The following HORMAD2 variants were observed in gnomAD, a reference collection of about 807,000 sequenced individuals.
HORMAD2 encodes HORMA domain containing 2.
In HORMAD2, 45 loss-of-function variants were observed where a neutral mutation model predicts 38.8. That is an observed-to-expected ratio of 1.16 (90% confidence interval 0.91 to 1.49). The LOEUF is 1.49. HORMAD2 is among the 40% of genes most tolerant of loss of function. HORMAD2 has a pLI of 0.00. For missense variants in HORMAD2, 338 were observed against 367.0 expected (o/e 0.92, Z 0.65); for synonymous variants, 126 against 122.8 (o/e 1.03, Z -0.17).
intron 4 of HORMAD2, 141 bp from the exon 5 acceptor site, chr22:30,104,259 TA>T: frequency 2.9e-6 from 2 of 697,964 alleles, no homozygotes; most frequent in Non-Finnish European, 2.5e-6. Flanking sequence ...GCTGGAAGTT[TA>T]AAAAAATGAT....
rs756245115 is a variant in HORMAD2, at chr22:30,118,988, T to A, written c.351T>A (p.Thr117=). The A allele has an allele frequency of 1.0e-5, 16 of 1,583,332 alleles. No individual in the cohort carries two copies. Among genetic ancestry groups the A allele is most frequent in the Non-Finnish European group, 1.4e-5 (16 of 1,163,386 alleles). The change falls in exon 8 of 11, where the codon ACT becomes ACA. Residue 117 remains threonine (T), a synonymous_variant. Coordinates refer to ENST00000336726, the MANE Select transcript of HORMAD2 (RefSeq NM_152510.4). ...TCCTTTGGTTTTTGTAGAAGGTGAC[T>A]GAGATGTACCAGTTCAAATTCAAAT... is the stretch of plus-strand genomic sequence containing the variant. ...YTDPMGSEKV[T]EMYQFKFKYT...
chr22:30,114,627 C>A (rs959353638), intron 7 of HORMAD2, among the ~76,000 whole-genome samples: 1 of 152,120 alleles, frequency 6.6e-6, no homozygotes, highest in African/African-American at 2.4e-5. Context: ...ATTGCACAAA[C>A]AATAACAATG....
intron 1 of HORMAD2, among the ~76,000 whole-genome samples, chr22:30,091,849 C>T (rs950516401): frequency 4.6e-5 from 7 of 151,770 alleles, no homozygotes; most frequent in Non-Finnish European, 1.0e-4. Flanking sequence ...TGCCAGCATT[C>T]GTTATTTTTT....
the HORMAD2 span, among the ~76,000 whole-genome samples, chr22:30,187,669 T>C: frequency 6.6e-6 from 1 of 152,146 alleles, no homozygotes; most frequent in African/African-American, 2.4e-5. Context: ...TGGAAGCACT[T>C]ATGATTGGTG....
chr22:30,081,142 A>C (rs2068464676), intron 1 of HORMAD2: 1 of 152,256 alleles, frequency 6.6e-6, no homozygotes, highest in Non-Finnish European at 1.5e-5. Context: ...CAGGCTGTGC[A>C]GTACATCGTG....
At chr22:30,082,286 A>T (rs961657699) in intron 1 of HORMAD2, among the ~76,000 whole-genome samples, 1 of 152,182 alleles carries the variant, frequency 6.6e-6, no homozygotes, top group East Asian at 1.9e-4. Context: ...GTTTTTGAAG[A>T]TTGAGAAAGA....
intron 10 of HORMAD2, among the ~76,000 whole-genome samples, chr22:30,165,080 G>A (rs1339183886): frequency 1.3e-5 from 2 of 152,058 alleles, no homozygotes; most frequent in African/African-American, 4.8e-5. Context: ...TTAGGTCTTT[G>A]ATCCTTTCTG....
At chr22:30,108,875 G>A (rs1487907825) in intron 5 of HORMAD2, among the ~76,000 whole-genome samples, 4 of 151,866 alleles carry the variant, frequency 2.6e-5, no homozygotes, top group Admixed American at 2.0e-4. Context: ...ATGAAATTAT[G>A]GTTCTGAAAT....
At chr22:30,100,832 A>C (rs1424265679) in intron 3 of HORMAD2, among the ~76,000 whole-genome samples, 1 of 152,206 alleles carries the variant, frequency 6.6e-6, no homozygotes, top group Non-Finnish European at 1.5e-5. Flanking sequence ...ATATGAAAAA[A>C]AGCTCATCAT....
At chr22:30,180,028 A>C (rs1426716533), downstream of HORMAD2, among the ~76,000 whole-genome samples, 1 of 152,106 alleles carries the variant, frequency 6.6e-6, no homozygotes, top group Non-Finnish European at 1.5e-5. Flanking sequence ...AGCTAGAACT[A>C]CAGGTACATG....
At chr22:30,156,505 A>T (rs1036380861) in intron 10 of HORMAD2, among the ~76,000 whole-genome samples, 1 of 152,234 alleles carries the variant, frequency 6.6e-6, no homozygotes, top group Non-Finnish European at 1.5e-5. Flanking sequence ...ATGCTTTGGT[A>T]TTATGGACAC....
intron 10 of HORMAD2, among the ~76,000 whole-genome samples, chr22:30,138,755 A>T (rs1050379623): frequency 2.0e-5 from 3 of 152,210 alleles, no homozygotes; most frequent in Non-Finnish European, 4.4e-5. Context: ...GAAAAGAATA[A>T]AATACTTGGG....
At chr22:30,102,692 A>G (rs999121160) in intron 3 of HORMAD2, among the ~76,000 whole-genome samples, 1 of 152,186 alleles carries the variant, frequency 6.6e-6, no homozygotes, top group East Asian at 1.9e-4. Flanking sequence ...CGGCATGATC[A>G]TTACAGGATT....
Position 30,121,560 on chromosome 22 carries a change from A to C in HORMAD2, c.411-72A>C. On this transcript the variant is annotated intron_variant, in intron 8 of 10. Transcript: ENST00000336726. ...AATTTATATTTACTCACATAGTCAAAAGTTTTGTTCCTTTTGGGATAGATT... is the reference window on the plus strand; with the variant it reads ...AATTTATATTTACTCACATAGTCAACAGTTTTGTTCCTTTTGGGATAGATT... The C allele has an allele frequency of 2.5e-6, 3 of 1,221,062 alleles. No homozygotes were observed. The South Asian group carries it at 6.3e-5, about 26-fold the overall frequency. 75.6% of individuals were successfully genotyped at this position (1,221,062 alleles called of 1,614,324 possible).
chr22:30,112,172 T>A (rs752658704), intron 6 of HORMAD2, among the ~76,000 whole-genome samples: 1 of 152,130 alleles, frequency 6.6e-6, no homozygotes, highest in Admixed American at 6.5e-5. Flanking sequence ...TAGTTAAGAA[T>A]AGAAAATGAG....
intron 10 of HORMAD2, among the ~76,000 whole-genome samples, chr22:30,172,434 G>A (rs966534526): frequency 6.6e-6 from 1 of 152,196 alleles, no homozygotes; most frequent in African/African-American, 2.4e-5. Context: ...TCAATTCTGG[G>A]AAACCAACTA....
chr22:30,193,030 T>C, the HORMAD2 span, among the ~76,000 whole-genome samples: 7 of 152,156 alleles, frequency 4.6e-5, no homozygotes, highest in Non-Finnish European at 8.8e-5. Flanking sequence ...TATTCATTGA[T>C]ATATCAAAAA....
chr22:30,093,242 G>A (rs764532967), intron 1 of HORMAD2, among the ~76,000 whole-genome samples: 8 of 151,920 alleles, frequency 5.3e-5, no homozygotes, highest in African/African-American at 9.7e-5. Context: ...TTTTTTGGTA[G>A]GTATTGTAAA....
Position 30,099,269 on chromosome 22 carries a change from A to G in HORMAD2, c.193+276A>G, listed in dbSNP as rs1920928410. ...AAAAGCAACAGCTAGATCAAAATCT[A>G]TTTGAATGCTGTAGATTTGCGCTAC... On this transcript the variant is annotated intron_variant, in intron 3 of 10. Transcript: ENST00000336726. 2.0e-5 allele frequency among the ~76,000 whole-genome samples: 3 copies of G among 152,220 alleles called. 1 individual carries two copies. The South Asian group carries it at 6.2e-4, about 32-fold the overall frequency.
Sources: gnomAD v4.1 joint callset for allele counts (sites outside exome capture counted in the v4.1 genomes callset) on GRCh38, gnomAD v4.1.1 for gene constraint, MANE v1.5 for transcripts, NCBI Gene and HGNC (gene_info 2026-07-23, HGNC 2026-07-21) for gene names.